Variants in MYO3B observed in about 807,000 individuals in gnomAD.
MYO3B encodes myosin IIIB.
In MYO3B, 156 loss-of-function variants were observed where a neutral mutation model predicts 174.6. That is an observed-to-expected ratio of 0.89 (90% confidence interval 0.78 to 1.02). The LOEUF (loss-of-function observed/expected upper bound fraction) is 1.02. Among genes scored for constraint, MYO3B ranks in the 50% least tolerant of loss-of-function variants. The pLI is 0.00. For synonymous variants in MYO3B, 563 were observed against 569.1 expected (o/e 0.99, Z 0.15); for missense variants, 1,632 against 1,639.4 (o/e 1.00, Z 0.08).
Position 170,652,972 on chromosome 2 carries a change from C to G in MYO3B, c.3888-11C>G, listed in dbSNP as rs759363951. The G allele has an allele frequency of 3.7e-6, 6 of 1,612,556 alleles. No individual in the cohort carries two copies. The South Asian group carries it at 6.6e-5, about 18-fold the overall frequency. On this transcript the variant is annotated splice_polypyrimidine_tract_variant and intron_variant, in intron 34 of 34. Coordinates refer to ENST00000408978, the MANE Select transcript of MYO3B (RefSeq NM_138995.5). Reference sequence around the variant, plus strand: ...TTTTTGTTGAAAATCCTGTTGTTTTCTTTGTTGCAGCCAAATCAAAGTACT... The same window carrying G: ...TTTTTGTTGAAAATCCTGTTGTTTTGTTTGTTGCAGCCAAATCAAAGTACT...
chr2:170,198,835 T>A (rs1364827211), intron 1 of MYO3B, among the ~76,000 whole-genome samples: 1 of 123,858 alleles, frequency 8.1e-6, no homozygotes, highest in African/African-American at 3.2e-5. Flanking sequence ...GACAAAGATG[T>A]TAGACTTAAC....
At chr2:170,276,749 A>G (rs2093466377) in intron 7 of MYO3B, among the ~76,000 whole-genome samples, 1 of 152,130 alleles carries the variant, frequency 6.6e-6, no homozygotes, top group Non-Finnish European at 1.5e-5. Context: ...TTTGATCTCC[A>G]TTTCCTTTTG....
chr2:170,464,430 G>A (rs1684491658), intron 24 of MYO3B, among the ~76,000 whole-genome samples: 1 of 151,936 alleles, frequency 6.6e-6, no homozygotes, highest in African/African-American at 2.4e-5. Context: ...AGATAGGGTT[G>A]GCACAAGAAA....
At chr2:170,594,784 T>G (rs1430629246) in intron 32 of MYO3B, among the ~76,000 whole-genome samples, 1 of 151,862 alleles carries the variant, frequency 6.6e-6, no homozygotes, top group African/African-American at 2.4e-5. Context: ...TTTCTCTGGT[T>G]GTTCCAATCT....
intron 6 of MYO3B, among the ~76,000 whole-genome samples, chr2:170,225,514 T>A (rs2105391981): frequency 6.6e-6 from 1 of 152,344 alleles, no homozygotes; most frequent in Admixed American, 6.5e-5. Context: ...GCCAGTGTAA[T>A]TAATGCCCAA....
rs531910822 is a variant in MYO3B at position 170,492,672 on chromosome 2, T to C, written c.3015-5920T>C. Among the ~76,000 whole-genome samples the C allele has an allele frequency of 7.2e-5, 11 of 152,322 alleles. No individual in the cohort carries two copies. The East Asian group carries it at 2.1e-3, about 29-fold the overall frequency. ...AGGGCCACATTCCCTCTTTACTCCT[T>C]CTCCATGGTGCCCTCAGTCTCTCCT... On this transcript the variant is annotated intron_variant, in intron 25 of 34. Coordinates refer to ENST00000408978, the MANE Select transcript of MYO3B (RefSeq NM_138995.5).
intron 22 of MYO3B, among the ~76,000 whole-genome samples, chr2:170,438,855 A>C (rs1436719796): frequency 1.3e-5 from 2 of 151,884 alleles, no homozygotes; most frequent in Non-Finnish European, 2.9e-5. Context: ...GGCTGGTCTC[A>C]AACTCCTGAT....
intron 6 of MYO3B, among the ~76,000 whole-genome samples, chr2:170,217,783 A>G (rs1310741360): frequency 6.6e-6 from 1 of 152,250 alleles, no homozygotes; most frequent in Non-Finnish European, 1.5e-5. Context: ...ACTGGCCTAC[A>G]GAACTATATG....
At chr2:170,540,890 T>A (rs140082550) in intron 30 of MYO3B, among the ~76,000 whole-genome samples, 2 of 152,188 alleles carry the variant, frequency 1.3e-5, no homozygotes, top group Admixed American at 6.5e-5. Context: ...ATTGAACATA[T>A]TATTAAATTA....
intron 25 of MYO3B, among the ~76,000 whole-genome samples, chr2:170,489,766 A>G (rs769383733): frequency 3.2e-4 from 48 of 151,862 alleles, no homozygotes; most frequent in Admixed American, 6.6e-4. Flanking sequence ...CGGGACTTCA[A>G]TCTTTTAAGG....
chr2:170,382,816 T>G (rs1047622077), intron 10 of MYO3B: 9 of 290,058 alleles, frequency 3.1e-5, no homozygotes, highest in Non-Finnish European at 5.8e-5. Flanking sequence ...AGTAAAATCT[T>G]TGTTGGATAT....
At chr2:170,427,159 T>C (rs938068638) in intron 22 of MYO3B, among the ~76,000 whole-genome samples, 1 of 152,190 alleles carries the variant, frequency 6.6e-6, no homozygotes, top group Admixed American at 6.5e-5. Context: ...TCAGACACAA[T>C]TGTACTGACT....
At chr2:170,601,582 CAAGG>C in intron 32 of MYO3B, 2 of 1,072,502 alleles carry the variant, frequency 1.9e-6, no homozygotes, top group African/African-American at 1.6e-5. Flanking sequence ...GCTTTATAGA[CAAGG>C]AAAAAAACTA....
chr2:170,599,440 T>C (rs895110713), intron 32 of MYO3B, among the ~76,000 whole-genome samples: 3 of 152,216 alleles, frequency 2.0e-5, no homozygotes, highest in African/African-American at 7.2e-5. Context: ...AAGTATTTTC[T>C]TTCTATTTAT....
At chr2:170,497,948 A>T in intron 25 of MYO3B, among the ~76,000 whole-genome samples, 1 of 18,956 alleles carries the variant, frequency 5.3e-5, no homozygotes, top group African/African-American at 8.1e-5. Flanking sequence ...TCTGCCTCAG[A>T]AAAAAAAAAA....
intron 30 of MYO3B, among the ~76,000 whole-genome samples, chr2:170,537,783 G>T (rs1240961691): frequency 1.3e-5 from 2 of 152,060 alleles, no homozygotes; most frequent in Admixed American, 1.3e-4. Context: ...TTATCAAAGA[G>T]GTGGAAACAA....
At chr2:170,506,688 TA>T (rs1269684361) in intron 28 of MYO3B, among the ~76,000 whole-genome samples, 2 of 152,220 alleles carry the variant, frequency 1.3e-5, no homozygotes, top group African/African-American at 2.4e-5. Flanking sequence ...CTGTAAAATC[TA>T]AAACAATACA....
At chr2:170,290,640 TCTAA>T (rs966127619) in intron 7 of MYO3B, among the ~76,000 whole-genome samples, 2 of 152,208 alleles carry the variant, frequency 1.3e-5, no homozygotes, top group Non-Finnish European at 2.9e-5. Context: ...TCAGCCACTC[TCTAA>T]CTTTTAGTTG....
chr2:170,392,787 C>T (rs963755905), intron 16 of MYO3B, among the ~76,000 whole-genome samples: 1 of 151,998 alleles, frequency 6.6e-6, no homozygotes, highest in South Asian at 2.1e-4. Flanking sequence ...GTTTTAAGGA[C>T]CATGTGCTGA....
Sources: gnomAD v4.1 joint callset for allele counts (sites outside exome capture counted in the v4.1 genomes callset) on GRCh38, gnomAD v4.1.1 for gene constraint, MANE v1.5 for transcripts, NCBI Gene and HGNC (gene_info 2026-07-23, HGNC 2026-07-21) for gene names.